WASF1: variants seen among roughly 807,000 people sequenced by gnomAD.
WASF1 encodes the protein actin-binding protein WASF1.
Under a neutral mutation model 50.5 loss-of-function variants are expected in WASF1, and 7 were observed. The ratio of observed to expected loss-of-function variants is 0.14; its 90% CI spans 0.08 to 0.26. The LOEUF (loss-of-function observed/expected upper bound fraction) is 0.26. Ranked by LOEUF, WASF1 falls within the 10% of genes least tolerant of loss-of-function variation. The pLI, the probability that WASF1 is intolerant of heterozygous loss-of-function variation, is 1.00. For missense variants in WASF1, 470 were observed against 694.7 expected, an observed-to-expected ratio of 0.68 and a Z score of 3.64; for synonymous variants, 205 against 244.0, an observed-to-expected ratio of 0.84 and a Z score of 1.49.
intron 3 of WASF1, among the ~76,000 whole-genome samples, chr6:110,135,072 A>T (rs1467491547): frequency 4.6e-5 from 7 of 152,246 alleles, no homozygotes; most frequent in Non-Finnish European, 8.8e-5. Context: ...TTCCTTGTAG[A>T]GGTCTTCCAC....
At chr6:110,115,171 G>A (rs1201561943) in intron 4 of WASF1, among the ~76,000 whole-genome samples, 1 of 150,536 alleles carries the variant, frequency 6.6e-6, no homozygotes, top group Non-Finnish European at 1.5e-5. Context: ...ATATCTGCCT[G>A]AACAGAGTTT....
At chr6:110,108,729 T>A in intron 5 of WASF1, 48 bp from the exon 6 acceptor site, 2 of 1,553,032 alleles carry the variant, frequency 1.3e-6, no homozygotes, top group Non-Finnish European at 1.8e-6. Flanking sequence ...ACTAAGATGA[T>A]TTAACATAAG....
chr6:110,146,072 C>T (rs572596687), intron 3 of WASF1, among the ~76,000 whole-genome samples: 6 of 152,068 alleles, frequency 3.9e-5, no homozygotes, highest in African/African-American at 1.2e-4. Context: ...ACATGGCACA[C>T]GTATACATAT....
At position 110,167,937 on chromosome 6, in the gene WASF1, C is replaced by T. The variant is rs978925089; in HGVS notation, c.-126-7205G>A. Among the ~76,000 whole-genome samples, 9 of 151,966 alleles carry T rather than the reference C, an allele frequency of 5.9e-5. No individual in the cohort carries two copies. The South Asian group carries it at 1.7e-3, about 28-fold the overall frequency. The stretch of plus-strand genomic sequence containing the variant: ...TCACTGATTACATTGGAAACATTTA[C>T]ATACCACACTGAGTATTTAATGAAA... On this transcript the variant is annotated intron_variant, in intron 2 of 10. Coordinates refer to ENST00000392589, the MANE Select transcript of WASF1 (RefSeq NM_003931.3).
At chr6:110,113,082 T>C (rs557943221) in intron 5 of WASF1, among the ~76,000 whole-genome samples, 4 of 152,186 alleles carry the variant, frequency 2.6e-5, no homozygotes, top group East Asian at 3.9e-4. Context: ...GACTTCTTTA[T>C]GCAAAAAAAT....
At chr6:110,143,710 A>G (rs986294271) in intron 3 of WASF1, among the ~76,000 whole-genome samples, 2 of 152,214 alleles carry the variant, frequency 1.3e-5, no homozygotes, top group Admixed American at 6.5e-5. Flanking sequence ...ATAAGAATTA[A>G]AAGTATTTTA....
chr6:110,176,666 A>G (rs554902912), intron 2 of WASF1, among the ~76,000 whole-genome samples: 36 of 152,204 alleles, frequency 2.4e-4, no homozygotes, highest in African/African-American at 7.5e-4. Context: ...AGCCCCTGCT[A>G]TTTGTTAAAC....
intron 3 of WASF1, among the ~76,000 whole-genome samples, chr6:110,145,629 A>T (rs1775520412): frequency 1.3e-5 from 2 of 152,154 alleles, no homozygotes; most frequent in Non-Finnish European, 2.9e-5. Context: ...TCTGAGATAC[A>T]TCCCATCAAT....
At chr6:110,130,036 T>C (rs1321170560) in intron 3 of WASF1, among the ~76,000 whole-genome samples, 2 of 152,250 alleles carry the variant, frequency 1.3e-5, no homozygotes, top group African/African-American at 4.8e-5. Flanking sequence ...AATTTATTAA[T>C]TACTGAGCTT....
At chr6:110,112,610 G>A (rs1220989242) in intron 5 of WASF1, among the ~76,000 whole-genome samples, 3 of 152,046 alleles carry the variant, frequency 2.0e-5, no homozygotes, top group Admixed American at 2.0e-4. Flanking sequence ...CATATTAAAA[G>A]CAGTTACATA....
At chr6:110,113,048 T>C (rs975788646) in intron 5 of WASF1, among the ~76,000 whole-genome samples, 4 of 151,862 alleles carry the variant, frequency 2.6e-5, no homozygotes, top group African/African-American at 7.3e-5. Context: ...ATGAAGAGAA[T>C]GGAGGAAAAT....
At chr6:110,124,098 A>G (rs1374540198) in intron 4 of WASF1, among the ~76,000 whole-genome samples, 1 of 151,680 alleles carries the variant, frequency 6.6e-6, no homozygotes, top group African/African-American at 2.4e-5. Flanking sequence ...ACATGCCCAC[A>G]GCAGACTAAG....
At chr6:110,107,823 T>C (rs1316149972) in intron 6 of WASF1, among the ~76,000 whole-genome samples, 1 of 152,108 alleles carries the variant, frequency 6.6e-6, no homozygotes, top group East Asian at 1.9e-4. Flanking sequence ...TTTATAAAGG[T>C]ACTACCTATT....
rs115615033 is a variant in WASF1, at chr6:110,159,015, T to C, written c.-29+1620A>G. Among the ~76,000 whole-genome samples the C allele has an allele frequency of 3.9e-3, 596 of 152,076 alleles. 3 individuals carry two copies. Among genetic ancestry groups the C allele is most frequent in the African/African-American group, 0.013 (559 of 41,542 alleles). On this transcript the variant is annotated intron_variant, in intron 3 of 10. Coordinates refer to ENST00000392589, the MANE Select transcript of WASF1 (RefSeq NM_003931.3). The stretch of plus-strand genomic sequence containing the variant: ...CTTTCTTGAATTGTTTCTTACACTA[T>C]TTCAGTTTTCCATGCTTACATCTTG...
intron 2 of WASF1, among the ~76,000 whole-genome samples, chr6:110,162,743 G>A (rs1242160827): frequency 6.6e-6 from 1 of 151,366 alleles, no homozygotes; most frequent in Non-Finnish European, 1.5e-5. Context: ...CGCAAACTAG[G>A]AATAAAAGGT....
intron 2 of WASF1, among the ~76,000 whole-genome samples, chr6:110,175,545 C>T (rs1776893217): frequency 6.6e-6 from 1 of 152,132 alleles, no homozygotes; most frequent in African/African-American, 2.4e-5. Context: ...AAGGGGGTTA[C>T]ACCAAGCTTC....
chr6:110,174,043 C>T (rs540071303), intron 2 of WASF1, among the ~76,000 whole-genome samples: 8 of 152,134 alleles, frequency 5.3e-5, no homozygotes, highest in Non-Finnish European at 1.0e-4. Flanking sequence ...ACTTAAAATC[C>T]TTAACCTCGT....
Position 110,118,462 on chromosome 6 carries a change from G to T in WASF1, c.134-5002C>A, listed in dbSNP as rs936876094. Reference sequence around the variant, plus strand: ...GAGACAAAGGCAGCTACTACATAATGGTAAAGGGATCAATTCAACAAGAAG... The same window carrying T: ...GAGACAAAGGCAGCTACTACATAATTGTAAAGGGATCAATTCAACAAGAAG... On this transcript the variant is annotated intron_variant, in intron 4 of 10. Transcript: ENST00000392589. Among the ~76,000 whole-genome samples the T allele has an allele frequency of 2.9e-4, 44 of 150,924 alleles. 1 individual carries two copies. The highest frequency in any genetic ancestry group is 4.4e-5 in the Non-Finnish European group (3 of 67,900).
At chr6:110,159,129 G>A (rs545089154) in intron 3 of WASF1, among the ~76,000 whole-genome samples, 14 of 151,902 alleles carry the variant, frequency 9.2e-5, no homozygotes, top group Admixed American at 5.9e-4. Flanking sequence ...AGCATTTTGC[G>A]TTTTGACTAT....
Sources: allele counts gnomAD v4.1 joint callset (sites outside exome capture counted in the v4.1 genomes callset), GRCh38; gene constraint gnomAD v4.1.1; transcripts MANE v1.5; gene names NCBI Gene and HGNC (gene_info 2026-07-23, HGNC 2026-07-21).